Variants in CKMT2 observed in about 807,000 individuals in gnomAD.
CKMT2 encodes the protein creatine kinase, mitochondrial 2.
Under a neutral mutation model 48.9 loss-of-function variants are expected in CKMT2, and 43 were observed. That is an observed-to-expected ratio of 0.88 (90% CI 0.69 to 1.13). CKMT2 has a LOEUF of 1.13. Among genes scored for constraint, CKMT2 ranks in the 50% most tolerant of loss-of-function variants. The probability of loss-of-function intolerance (pLI) is 0.00; values close to 1 mark genes in which losing one functional copy is unlikely to be tolerated. For missense variants in CKMT2, 472 were observed against 555.4 expected (o/e 0.85, Z 1.51); for synonymous variants, 206 against 213.0 (o/e 0.97, Z 0.29).
At chr5:81,248,358 T>C (rs1580441641) in intron 1 of CKMT2, among the ~76,000 whole-genome samples, 1 of 152,216 alleles carries the variant, frequency 6.6e-6, no homozygotes, top group Admixed American at 6.5e-5. Flanking sequence ...TCTTTCACTT[T>C]AGTGAGTTCT....
chr5:81,236,723 GGAA>G (rs763123592), intron 1 of CKMT2, among the ~76,000 whole-genome samples: 28 of 152,202 alleles, frequency 1.8e-4, no homozygotes, highest in Admixed American at 3.3e-4. Context: ...GGTGGAGTCT[GGAA>G]GAAGAACTGG....
chr5:81,259,208 C>A lies in CKMT2; in HGVS notation c.968C>A (p.Thr323Lys). ...YILTCPSNLGTGLRAGVHVRI... is the reference protein window; with the variant it reads ...YILTCPSNLGKGLRAGVHVRI... Reference sequence around the variant, plus strand: ...TTGACCTGTCCTTCGAACCTTGGAACAGGACTACGAGCTGGTGTCCACGTT... The same window carrying A: ...TTGACCTGTCCTTCGAACCTTGGAAAAGGACTACGAGCTGGTGTCCACGTT... The change falls in exon 8 of 10, where the codon ACA becomes AAA. Residue 323 changes from threonine to lysine, a missense_variant. Thr to Lys is a moderately conservative substitution (Grantham distance 78, BLOSUM62 -1). Coordinates refer to ENST00000254035, the MANE Select transcript of CKMT2 (RefSeq NM_001099735.2). 1 of 1,614,072 alleles carries A rather than the reference C, an allele frequency of 6.2e-7. No individual in the cohort carries two copies.
Position 81,257,830 on chromosome 5 carries a change from G to C in CKMT2, c.853G>C (p.Glu285Gln), listed in dbSNP as rs1757069681. ...AGGAGGCAATATGAAACGAGTATTT[G>C]AGCGATTCTGTCGTGGACTAAAAGA... ...EKGGNMKRVF[E>Q]RFCRGLKEVE... The change falls in exon 7 of 10, where the codon GAG becomes CAG. Residue 285 changes from glutamate (E) to glutamine (Q), a missense_variant. Transcript: ENST00000254035. The C allele has an allele frequency of 6.2e-7, 1 of 1,613,632 alleles. No individual in the cohort carries two copies. The highest frequency in any genetic ancestry group is 1.7e-5 in the Admixed American group (1 of 59,978).
intron 1 of CKMT2, among the ~76,000 whole-genome samples, chr5:81,241,030 C>T (rs1334626987): frequency 2.6e-5 from 4 of 152,142 alleles, no homozygotes; most frequent in African/African-American, 9.7e-5. Flanking sequence ...TTAATGATAA[C>T]CTATCATGTG....
Position 81,252,681 on chromosome 5 carries a change from T to A in CKMT2, c.153-14T>A. The A allele has an allele frequency of 6.2e-7, 1 of 1,613,516 alleles. No homozygotes were observed. Among genetic ancestry groups the A allele is most frequent in the Non-Finnish European group, 8.5e-7 (1 of 1,179,630 alleles). ...GGGGCTGCTGGCTGACAGCCTGCCC[T>A]CCTCCCCACACAGCGCAGACTACCC... is the stretch of plus-strand genomic sequence containing the variant. On this transcript the variant is annotated splice_polypyrimidine_tract_variant and intron_variant, in intron 2 of 9. Transcript: ENST00000254035.
intron 1 of CKMT2, chr5:81,242,560 C>G (rs1268860478): frequency 2.4e-6 from 1 of 415,244 alleles, no homozygotes; most frequent in African/African-American, 2.0e-5. Flanking sequence ...ATAGGCTCAT[C>G]AGAATTGGAT....
In CKMT2 at chr5:81,252,787, C is replaced by T. The variant is rs770539483; in HGVS notation, c.245C>T (p.Pro82Leu). The part of the protein sequence containing the change: ...IYAKLRNKVT[P>L]NGYTLDQCIQ... Reference sequence around the variant, plus strand: ...GCCAAGCTTCGCAACAAGGTGACACCCAACGGCTACACGCTGGACCAGTGC... The same window carrying T: ...GCCAAGCTTCGCAACAAGGTGACACTCAACGGCTACACGCTGGACCAGTGC... The change falls in exon 3 of 10, where the codon CCC (proline) becomes CTC (leucine). Residue 82 changes from proline to leucine, a missense_variant. Coordinates refer to ENST00000254035, the MANE Select transcript of CKMT2 (RefSeq NM_001099735.2). 9.9e-6 allele frequency: 16 copies of T among 1,614,226 alleles called. No homozygotes were observed. Among genetic ancestry groups the T allele is most frequent in the Non-Finnish European group, 1.4e-5 (16 of 1,180,044 alleles).
At chr5:81,259,735 T>C (rs1460989817) in intron 8 of CKMT2, among the ~76,000 whole-genome samples, 1 of 152,122 alleles carries the variant, frequency 6.6e-6, no homozygotes, top group East Asian at 1.9e-4. Flanking sequence ...GCACTCTTCT[T>C]AGAGACCTAC....
At chr5:81,263,639 A>G in intron 9 of CKMT2, 23 bp downstream of exon 9, 1 of 1,585,792 alleles carries the variant, frequency 6.3e-7, no homozygotes, top group Non-Finnish European at 8.6e-7. Context: ...TCACTTTCCT[A>G]ACATGAACTA....
At chr5:81,249,971 TA>T (rs1756749019) in intron 1 of CKMT2, among the ~76,000 whole-genome samples, 1 of 152,238 alleles carries the variant, frequency 6.6e-6, no homozygotes. Flanking sequence ...TTTGTTTGCT[TA>T]GATTATGTTA....
chr5:81,256,779 G>T, intron 5 of CKMT2, 136 bp from the exon 6 acceptor site: 1 of 575,650 alleles, frequency 1.7e-6, no homozygotes, highest in East Asian at 2.8e-5. Flanking sequence ...TTATTCTAGT[G>T]GGCAGCCAAA....
chr5:81,236,694 T>C (rs749162950), intron 1 of CKMT2, among the ~76,000 whole-genome samples: 5 of 152,202 alleles, frequency 3.3e-5, no homozygotes, highest in East Asian at 1.9e-4. Context: ...CAGGAAGTCA[T>C]TGGAGACACT....
At chr5:81,257,951 G>A (rs1757075006) in intron 7 of CKMT2, 95 bp downstream of exon 7, 3 of 1,245,222 alleles carry the variant, frequency 2.4e-6, no homozygotes, top group Non-Finnish European at 3.2e-6. Context: ...TTCCAAGATG[G>A]AGCTAATTTT....
At chr5:81,263,713 G>A in intron 9 of CKMT2, 97 bp downstream of exon 9, 1 of 1,181,482 alleles carries the variant, frequency 8.5e-7, no homozygotes, top group African/African-American at 1.5e-5. Flanking sequence ...CAAAATTCGA[G>A]ACCTCCTCTT....
intron 1 of CKMT2, among the ~76,000 whole-genome samples, chr5:81,233,895 A>C (rs1756176471): frequency 6.6e-6 from 1 of 152,110 alleles, no homozygotes; most frequent in South Asian, 2.1e-4. Context: ...AGCCAGGCCC[A>C]GTTTAAACGG....
intron 5 of CKMT2, 143 bp downstream of exon 5, chr5:81,255,357 T>G: frequency 1.4e-6 from 1 of 690,844 alleles, no homozygotes; most frequent in Non-Finnish European, 2.5e-6. Context: ...CCCAAGAGCA[T>G]CTACTTATTC....
In CKMT2 at chr5:81,254,487, C is replaced by G; in HGVS notation, c.443C>G (p.Ser148Ter). ...AAGCACACAACGGATCTGGATGCAT[C>G]AAAGGTAGGCTCCAGCCTCCCTCTC... ...VMKHTTDLDA[S>*]KITQGQFDEH... Residue 148 changes from serine to a stop codon, truncating the protein, a stop_gained, in exon 4 of 10, where the codon TCA becomes TGA. Transcript: ENST00000254035. LOFTEE classifies it high-confidence loss of function. 1.2e-6 allele frequency: 2 copies of G among 1,613,782 alleles called. No individual in the cohort carries two copies. Among genetic ancestry groups the G allele is most frequent in the Non-Finnish European group, 1.7e-6 (2 of 1,179,682 alleles).
intron 2 of CKMT2, chr5:81,252,199 A>G (rs1296191251): frequency 1.7e-5 from 3 of 172,820 alleles, no homozygotes; most frequent in Non-Finnish European, 3.7e-5. Flanking sequence ...GGCATGCAGA[A>G]TTCCACATAG....
intron 6 of CKMT2, 122 bp downstream of exon 6, chr5:81,257,122 G>T: frequency 6.2e-6 from 4 of 644,212 alleles, no homozygotes; most frequent in South Asian, 5.8e-5. Context: ...TGAGCTAAAT[G>T]GAAAAAGACT....
Sources: allele counts gnomAD v4.1 joint callset (sites outside exome capture counted in the v4.1 genomes callset), GRCh38; gene constraint gnomAD v4.1.1; transcripts MANE v1.5; gene names NCBI Gene and HGNC (gene_info 2026-07-23, HGNC 2026-07-21).